FAM227B: variants seen among roughly 807,000 people sequenced by gnomAD.
FAM227B encodes family with sequence similarity 227 member B.
FAM227B carries 88 observed loss-of-function variants against 73.8 expected under a neutral mutation model. The observed-to-expected ratio is 1.19, with a 90% confidence interval of 1.00 to 1.42. The LOEUF (loss-of-function observed/expected upper bound fraction) is 1.42. FAM227B is among the 40% of genes most tolerant of loss of function. The probability of loss-of-function intolerance (pLI) is 0.00; values close to 1 mark genes in which losing one functional copy is unlikely to be tolerated. For synonymous variants in FAM227B, 210 were observed against 190.5 expected, an observed-to-expected ratio of 1.10 and a Z score of -0.84; for missense variants, 632 against 590.9, an observed-to-expected ratio of 1.07 and a Z score of -0.72.
chr15:49,533,306 T>C (rs2060757077), intron 10 of FAM227B, among the ~76,000 whole-genome samples: 1 of 152,014 alleles, frequency 6.6e-6, no homozygotes. Flanking sequence ...TGATCTATCC[T>C]GGAAAATGTT....
intron 11 of FAM227B, among the ~76,000 whole-genome samples, chr15:49,397,397 G>A (rs2047764706): frequency 6.6e-6 from 1 of 152,114 alleles, no homozygotes; most frequent in African/African-American, 2.4e-5. Flanking sequence ...GTGATGGGGA[G>A]AATGGAACCA....
At chr15:49,602,665 C>T (rs2077278964) in intron 3 of FAM227B, among the ~76,000 whole-genome samples, 1 of 152,070 alleles carries the variant, frequency 6.6e-6, no homozygotes, top group African/African-American at 2.4e-5. Flanking sequence ...TCCCATTTGT[C>T]CATGTTTGCT....
At chr15:49,561,095 G>C (rs892154926) in intron 9 of FAM227B, among the ~76,000 whole-genome samples, 3 of 152,104 alleles carry the variant, frequency 2.0e-5, no homozygotes, top group Non-Finnish European at 4.4e-5. Context: ...AAGTTGACTT[G>C]AAAGACAAGA....
Position 49,399,638 on chromosome 15 carries a change from A to C in FAM227B, c.1013-28239T>G, listed in dbSNP as rs2047976752. On this transcript the variant is annotated intron_variant, in intron 11 of 15. Coordinates refer to ENST00000299338, the MANE Select transcript of FAM227B (RefSeq NM_152647.3). ...AAAACAAATCCAGCAGCCCATCAAAAAGCTTATCCACCATGATCAAGTGGG... is the reference window on the plus strand; with the variant it reads ...AAAACAAATCCAGCAGCCCATCAAACAGCTTATCCACCATGATCAAGTGGG... Among the ~76,000 whole-genome samples, 10 of 151,298 alleles carry C rather than the reference A, an allele frequency of 6.6e-5. No homozygotes were observed. The South Asian group carries it at 2.1e-3, about 32-fold the overall frequency.
chr15:49,498,881 T>C (rs1406750600), intron 11 of FAM227B, among the ~76,000 whole-genome samples: 1 of 152,160 alleles, frequency 6.6e-6, no homozygotes, highest in East Asian at 1.9e-4. Context: ...AGAAGGGCAT[T>C]ACAGGCCGGG....
chr15:49,530,884 A>G (rs1597936866), intron 10 of FAM227B, among the ~76,000 whole-genome samples: 1 of 151,890 alleles, frequency 6.6e-6, no homozygotes, highest in East Asian at 1.9e-4. Flanking sequence ...AGAAAACCCT[A>G]CAGAAGCACA....
intron 11 of FAM227B, chr15:49,424,603 G>C: frequency 6.6e-7 from 1 of 1,525,486 alleles, no homozygotes; most frequent in East Asian, 2.3e-5. Context: ...TTTAAGTACT[G>C]CTCATGAACC....
intron 11 of FAM227B, among the ~76,000 whole-genome samples, chr15:49,375,894 T>TCC (rs1345366378): frequency 6.6e-6 from 1 of 152,120 alleles, no homozygotes; most frequent in East Asian, 1.9e-4. Flanking sequence ...CTATCTTTAT[T>TCC]TTATAACCAA....
chr15:49,464,402 T>C (rs774435705), intron 11 of FAM227B, among the ~76,000 whole-genome samples: 1 of 152,232 alleles, frequency 6.6e-6, no homozygotes, highest in African/African-American at 2.4e-5. Flanking sequence ...TCCAACTTAG[T>C]TGACATTTTT....
chr15:49,556,756 G>C (rs1054180322), intron 9 of FAM227B, among the ~76,000 whole-genome samples: 1 of 152,124 alleles, frequency 6.6e-6, no homozygotes, highest in Non-Finnish European at 1.5e-5. Context: ...TAAAATGAAA[G>C]TCTCCTAGGG....
chr15:49,412,309 C>T (rs1345115323), intron 11 of FAM227B, among the ~76,000 whole-genome samples: 6 of 151,938 alleles, frequency 3.9e-5, no homozygotes, highest in Admixed American at 6.6e-5. Flanking sequence ...TTAACATATT[C>T]TTTTTGTTGT....
At chr15:49,408,509 C>T (rs934319803) in intron 11 of FAM227B, among the ~76,000 whole-genome samples, 2 of 152,174 alleles carry the variant, frequency 1.3e-5, no homozygotes, top group Admixed American at 1.3e-4. Flanking sequence ...GCTTTTCCTT[C>T]ATATTTTCTT....
chr15:49,493,656 A>G (rs530003454), intron 11 of FAM227B, among the ~76,000 whole-genome samples: 1 of 152,006 alleles, frequency 6.6e-6, no homozygotes, highest in South Asian at 2.1e-4. Context: ...TTTTATCTCT[A>G]TCTCAATAGA....
At chr15:49,494,238 C>G (rs759814869) in intron 11 of FAM227B, among the ~76,000 whole-genome samples, 2 of 137,672 alleles carry the variant, frequency 1.5e-5, no homozygotes, top group Non-Finnish European at 3.2e-5. Flanking sequence ...ACTCTATTGC[C>G]TTAGTGGGAG....
chr15:49,602,878 C>T (rs1057248150), intron 3 of FAM227B, among the ~76,000 whole-genome samples: 1 of 152,118 alleles, frequency 6.6e-6, no homozygotes, highest in Admixed American at 6.5e-5. Flanking sequence ...ATCCAGTTTT[C>T]CCAGCACCAT....
At chr15:49,396,938 G>A (rs371926749) in intron 11 of FAM227B, among the ~76,000 whole-genome samples, 6 of 152,182 alleles carry the variant, frequency 3.9e-5, no homozygotes, top group South Asian at 2.1e-4. Flanking sequence ...AAAGCAGAGC[G>A]CCTCTCCTCC....
rs141307192 is a variant in FAM227B at position 49,336,665 on chromosome 15, AATTT to A, written c.1272-1173_1272-1170del. Among the ~76,000 whole-genome samples the A allele has an allele frequency of 5.7e-3, 863 of 152,276 alleles. 6 individuals carry two copies. Among genetic ancestry groups the A allele is most frequent in the African/African-American group, 0.02 (821 of 41,558 alleles). ...AGTATTTTATTCAATTTATTTAAAT[AATTT>A]ATTTATTTTTCCCTTGGTAAGTACT... is the stretch of plus-strand genomic sequence containing the variant. On this transcript the variant is annotated intron_variant, in intron 13 of 15. Transcript: ENST00000299338.
chr15:49,402,770 T>C (rs893265655), intron 11 of FAM227B, among the ~76,000 whole-genome samples: 1 of 151,234 alleles, frequency 6.6e-6, no homozygotes, highest in Non-Finnish European at 1.5e-5. Context: ...TCGAATACTC[T>C]TTCTTTCTCT....
Position 49,367,866 on chromosome 15 carries a change from G to A in FAM227B, c.1111-258C>T, listed in dbSNP as rs80138105. On this transcript the variant is annotated intron_variant, in intron 12 of 15. Transcript: ENST00000299338. ...TAGACATTATTCAGTCTTAAGAACA[G>A]AAAAAAAAAAAAAAAAATGAAGAAA... 5.1e-3 allele frequency: 596 copies of A among 116,466 alleles called. No individual in the cohort carries two copies. The highest frequency in any genetic ancestry group is 6.4e-3 in the Non-Finnish European group (357 of 55,824). 7.2% of individuals were successfully genotyped at this position (116,466 alleles called of 1,614,324 possible).
Sources: allele counts gnomAD v4.1 joint callset (sites outside exome capture counted in the v4.1 genomes callset), GRCh38; gene constraint gnomAD v4.1.1; transcripts MANE v1.5; gene names NCBI Gene and HGNC (gene_info 2026-07-23, HGNC 2026-07-21).